PARL: variants seen among roughly 807,000 people sequenced by gnomAD.
The protein encoded by PARL is presenilin-associated rhomboid-like protein, mitochondrial.
Under a neutral mutation model 51.6 loss-of-function variants are expected in PARL, and 44 were observed. The ratio of observed to expected loss-of-function variants is 0.85; its 90% CI spans 0.67 to 1.10. The LOEUF is 1.10. Among genes scored for constraint, PARL ranks in the 50% least tolerant of loss-of-function variants. The pLI is 0.00. For synonymous variants in PARL, 172 were observed against 164.0 expected (o/e 1.05, Z -0.37); for missense variants, 441 against 469.5 (o/e 0.94, Z 0.56).
intron 3 of PARL, among the ~76,000 whole-genome samples, chr3:183,865,300 GCTGT>G (rs1560416313): frequency 1.3e-5 from 2 of 152,048 alleles, no homozygotes; most frequent in East Asian, 3.9e-4. Context: ...AGAGTGGGAC[GCTGT>G]CTCTTAGAAA....
intron 1 of PARL, among the ~76,000 whole-genome samples, chr3:183,875,647 G>A (rs1733721731): frequency 3.9e-5 from 6 of 152,300 alleles, no homozygotes; most frequent in Admixed American, 3.9e-4. Flanking sequence ...AAGGAAACAA[G>A]CTGTCTCTAT....
At chr3:183,857,022 G>A (rs901749046) in intron 4 of PARL, among the ~76,000 whole-genome samples, 1 of 152,132 alleles carries the variant, frequency 6.6e-6, no homozygotes, top group Non-Finnish European at 1.5e-5. Context: ...ATTAATAAAA[G>A]ATTTGTTAAA....
rs1734955061 is a variant in PARL, at chr3:183,884,814, C to A, written c.33G>T (p.Trp11Cys). ...ACGCACCCCACGCCTGGCCGCAGCCCCAGCCTCTCTGCGCCCAGCCTCGCC... is the reference window on the plus strand; with the variant it reads ...ACGCACCCCACGCCTGGCCGCAGCCACAGCCTCTCTGCGCCCAGCCTCGCC... MAWRGWAQRG[W>C]GCGQAWGASV... The change falls in exon 1 of 10, where the codon TGG becomes TGT. Residue 11 changes from tryptophan to cysteine, a missense_variant. Coordinates refer to ENST00000317096, the MANE Select transcript of PARL (RefSeq NM_018622.7). 6.3e-7 allele frequency: 1 copy of A among 1,597,480 alleles called. No individual in the cohort carries two copies. The highest frequency in any genetic ancestry group is 2.2e-5 in the East Asian group (1 of 44,750).
At chr3:183,873,558 A>T (rs561731145) in intron 1 of PARL, among the ~76,000 whole-genome samples, 45 of 152,240 alleles carry the variant, frequency 3.0e-4, no homozygotes, top group African/African-American at 1.1e-3. Context: ...CAAAAAAAAA[A>T]AAATTAATTA....
chr3:183,835,945 C>A (rs1442019653), intron 7 of PARL, among the ~76,000 whole-genome samples: 1 of 152,020 alleles, frequency 6.6e-6, no homozygotes, highest in Non-Finnish European at 1.5e-5. Flanking sequence ...CTGCCAGGCA[C>A]AGTCGCTTAC....
chr3:183,870,569 A>G (rs1733071596), intron 1 of PARL, among the ~76,000 whole-genome samples: 1 of 152,040 alleles, frequency 6.6e-6, no homozygotes, highest in South Asian at 2.1e-4. Flanking sequence ...CTGGCCTGGA[A>G]TACGCCACCA....
At chr3:183,848,291 G>C (rs905101127) in intron 4 of PARL, among the ~76,000 whole-genome samples, 1 of 152,158 alleles carries the variant, frequency 6.6e-6, no homozygotes, top group Non-Finnish European at 1.5e-5. Context: ...TCCCAGGCTG[G>C]AGTGCAGTGG....
intron 5 of PARL, 146 bp downstream of exon 5, chr3:183,844,085 A>G: frequency 1.4e-6 from 1 of 703,368 alleles, no homozygotes; most frequent in Admixed American, 2.2e-5. Context: ...CCCTGTCCTC[A>G]GTGAAGGAGC....
chr3:183,838,077 A>G (rs1049001212), intron 7 of PARL, among the ~76,000 whole-genome samples: 9 of 150,946 alleles, frequency 6.0e-5, no homozygotes, highest in African/African-American at 2.2e-4. Context: ...GTTGGAGCAC[A>G]GTGGCATGCT....
chr3:183,871,450 A>C (rs1733198904), intron 1 of PARL, among the ~76,000 whole-genome samples: 1 of 150,746 alleles, frequency 6.6e-6, no homozygotes, highest in African/African-American at 2.4e-5. Flanking sequence ...CTAAAAACTG[A>C]AACTTAAATT....
intron 7 of PARL, among the ~76,000 whole-genome samples, chr3:183,834,886 C>CAAAAAAAAAAAAAAAA (rs60078452): frequency 3.7e-5 from 4 of 108,626 alleles, no homozygotes; most frequent in East Asian, 2.6e-4. Context: ...ACTAAAAATA[C>CAAAAAAAAAAAAAAAA]AAAAAAAAAA....
chr3:183,836,752 CAT>C (rs945086581), intron 7 of PARL, among the ~76,000 whole-genome samples: 7 of 152,050 alleles, frequency 4.6e-5, no homozygotes, highest in African/African-American at 1.2e-4. Context: ...ATTTCATAAA[CAT>C]ATATTTTTTG....
chr3:183,826,884 G>A (rs1727452188), downstream of PARL: 2 of 610,404 alleles, frequency 3.3e-6, no homozygotes, highest in Non-Finnish European at 4.1e-6. Context: ...TTACTTCATT[G>A]ATCAAACAAC....
chr3:183,864,017 A>C (rs1732148505), intron 3 of PARL, among the ~76,000 whole-genome samples: 1 of 152,228 alleles, frequency 6.6e-6, no homozygotes, highest in South Asian at 2.1e-4. Context: ...ATGTGCAGAC[A>C]TGTGCTGGAA....
chr3:183,862,497 C>T, intron 4 of PARL: 1 of 450,396 alleles, frequency 2.2e-6, no homozygotes, highest in Non-Finnish European at 4.0e-6. Context: ...TAAGCTATTC[C>T]ACAAGCTGGA....
intron 4 of PARL, among the ~76,000 whole-genome samples, chr3:183,854,149 A>G (rs1052246990): frequency 5.9e-5 from 9 of 152,048 alleles, no homozygotes; most frequent in Non-Finnish European, 1.3e-4. Context: ...GTAGGCTGAG[A>G]CAGAATTGCC....
chr3:183,874,926 G>C (rs544713749), intron 1 of PARL, among the ~76,000 whole-genome samples: 21 of 152,280 alleles, frequency 1.4e-4, no homozygotes, highest in African/African-American at 5.1e-4. Context: ...TTAAAAATTA[G>C]CCAAGTGTGG....
At chr3:183,867,699 CAAAA>C (rs111387397) in intron 2 of PARL, among the ~76,000 whole-genome samples, 162 bp downstream of exon 2, 1 of 97,102 alleles carries the variant, frequency 1.0e-5, no homozygotes, top group Non-Finnish European at 2.3e-5. Context: ...GACTCCGTCT[CAAAA>C]AAAAAAAAAA....
Position 183,834,886 on chromosome 3 carries a change from C to CAAAAAA in PARL, c.829-1067_829-1062dup, listed in dbSNP as rs60078452. Among the ~76,000 whole-genome samples, 83 of 108,626 alleles carry CAAAAAA rather than the reference C, an allele frequency of 7.6e-4. 1 individual carries two copies. Among genetic ancestry groups the CAAAAAA allele is most frequent in the African/African-American group, 3.0e-3 (78 of 25,800 alleles). The allele number at this position is 108,626 out of a possible 152,430, so 71.3% of individuals were successfully genotyped here. A position where few individuals can be genotyped will look rare whatever the true frequency, so the allele number is the denominator to read the frequency against. ...TAAAACCCCGTCTCTACTAAAAATA[C>CAAAAAA]AAAAAAAAAAAAAAAAAAAAAAATT... On this transcript the variant is annotated intron_variant, in intron 7 of 9. Transcript: ENST00000317096.
Sources: allele counts gnomAD v4.1 joint callset (sites outside exome capture counted in the v4.1 genomes callset), GRCh38; gene constraint gnomAD v4.1.1; transcripts MANE v1.5; gene names NCBI Gene and HGNC (gene_info 2026-07-23, HGNC 2026-07-21).